Variants in TGM5 observed in about 807,000 individuals in gnomAD.
The protein encoded by TGM5 is protein-glutamine gamma-glutamyltransferase 5.
A neutral mutation model predicts 77.2 loss-of-function variants in TGM5; 69 were observed. The ratio of observed to expected loss-of-function variants is 0.89; its 90% CI spans 0.74 to 1.09. The LOEUF (loss-of-function observed/expected upper bound fraction) is 1.09. TGM5 is among the 50% of genes least tolerant of loss of function. The pLI, the probability that TGM5 is intolerant of heterozygous loss-of-function variation, is 0.00. For synonymous variants in TGM5, 346 were observed against 351.8 expected (o/e 0.98, Z 0.18); for missense variants, 842 against 896.5 (o/e 0.94, Z 0.78).
At chr15:43,260,702 A>T (rs2042779737) in intron 1 of TGM5, 123 bp from the exon 2 acceptor site, 1 of 1,028,936 alleles carries the variant, frequency 9.7e-7, no homozygotes, top group Non-Finnish European at 1.5e-6. Context: ...CCATATCAGT[A>T]AAATAGAGTC....
At chr15:43,241,021 G>A in intron 6 of TGM5, 31 bp from the exon 7 acceptor site, 1 of 1,614,030 alleles carries the variant, frequency 6.2e-7, no homozygotes, top group Non-Finnish European at 8.5e-7. Flanking sequence ...AATCACCTGT[G>A]AGCTGTAGAT....
At chr15:43,252,378 G>A (rs528681318) in intron 6 of TGM5, among the ~76,000 whole-genome samples, 8 of 152,232 alleles carry the variant, frequency 5.3e-5, no homozygotes, top group South Asian at 2.1e-4. Flanking sequence ...GTGCAGTGGC[G>A]TGATCTTGGC....
At chr15:43,239,082 T>C in intron 8 of TGM5, 26 bp from the exon 9 acceptor site, 1 of 1,612,784 alleles carries the variant, frequency 6.2e-7, no homozygotes, top group Non-Finnish European at 8.5e-7. Context: ...GGAGCCTCGG[T>C]GGGCTGTTTG....
intron 1 of TGM5, 72 bp downstream of exon 1, chr15:43,266,768 C>G: frequency 1.3e-6 from 2 of 1,580,940 alleles, no homozygotes; most frequent in Middle Eastern, 3.3e-4. Flanking sequence ...CACCCTCCAC[C>G]CCTTGACTTC....
At chr15:43,235,029 A>G (rs781656339) in intron 10 of TGM5, 100 bp from the exon 11 acceptor site, 12 of 1,445,290 alleles carry the variant, frequency 8.3e-6, no homozygotes, top group Non-Finnish European at 1.0e-5. Flanking sequence ...GAAAGTCAAC[A>G]AGTACCAAAT....
chr15:43,254,068 C>A (rs2042726688), intron 4 of TGM5, among the ~76,000 whole-genome samples: 2 of 152,252 alleles, frequency 1.3e-5, no homozygotes, highest in South Asian at 2.1e-4. Context: ...AGGGTGCCAA[C>A]CTGCCATGGC....
At chr15:43,258,671 A>T (rs908610292) in intron 3 of TGM5, among the ~76,000 whole-genome samples, 4 of 152,190 alleles carry the variant, frequency 2.6e-5, no homozygotes, top group Non-Finnish European at 5.9e-5. Flanking sequence ...CAGGGCCAGC[A>T]GTGGCCTGAG....
Position 43,261,066 on chromosome 15 carries a change from TTGTGTGTGTG to T in TGM5, c.11-497_11-488del, listed in dbSNP as rs869266811. Among the ~76,000 whole-genome samples, 358 of 70,808 alleles carry T rather than the reference TTGTGTGTGTG, an allele frequency of 5.1e-3. 59 individuals are homozygous for T. The highest frequency in any genetic ancestry group is 0.027 in the African/African-American group (342 of 12,824). The allele number at this position is 70,808 out of a possible 152,430, so 46.5% of individuals were successfully genotyped here. On this transcript the variant is annotated intron_variant, in intron 1 of 12. Coordinates refer to ENST00000220420, the MANE Select transcript of TGM5 (RefSeq NM_201631.4). The stretch of plus-strand genomic sequence containing the variant: ...CTTGGGCTAGCTGCTCTTCCTTTTT[TTGTGTGTGTG>T]TTTTTTTTTTTTTTTTTTTTTTTTT...
At chr15:43,249,099 T>A (rs894525951) in intron 6 of TGM5, among the ~76,000 whole-genome samples, 6 of 152,068 alleles carry the variant, frequency 3.9e-5, no homozygotes, top group African/African-American at 1.2e-4. Context: ...GACCTTATTT[T>A]ACAGAAGAGG....
intron 1 of TGM5, among the ~76,000 whole-genome samples, chr15:43,261,341 G>A (rs1258815254): frequency 2.0e-5 from 3 of 151,790 alleles, no homozygotes; most frequent in Non-Finnish European, 4.4e-5. Context: ...TGCCTGCCTC[G>A]GCCTCCCAAA....
intron 1 of TGM5, among the ~76,000 whole-genome samples, chr15:43,264,456 A>T (rs2042811655): frequency 6.6e-6 from 1 of 152,250 alleles, no homozygotes. Flanking sequence ...AGAATGCTGA[A>T]CATACTAAAT....
chr15:43,253,198 T>C (rs1187498495), intron 5 of TGM5, among the ~76,000 whole-genome samples: 1 of 152,198 alleles, frequency 6.6e-6, no homozygotes, highest in African/African-American at 2.4e-5. Context: ...AGCTGGAGCT[T>C]ACCTCTGAGA....
chr15:43,235,692 A>G lies in TGM5; in HGVS notation c.1491T>C (p.Pro497=). The change falls in exon 10 of 13, where the codon CCT becomes CCC. Residue 497 remains proline (P), a synonymous_variant. Coordinates refer to ENST00000220420, the MANE Select transcript of TGM5 (RefSeq NM_201631.4). Reference sequence around the variant, plus strand: ...GCACCACATCACTGGGTCGAAGGGAAGGTGTATGCAGGCTCCGAGGGCTGT... The same window carrying G: ...GCACCACATCACTGGGTCGAAGGGAGGGTGTATGCAGGCTCCGAGGGCTGT... ...SQDSPRSLHT[P]SLRPSDVVQV... 2 of 1,614,186 alleles carry G rather than the reference A, an allele frequency of 1.2e-6. No individual in the cohort carries two copies. Among genetic ancestry groups the G allele is most frequent in the Non-Finnish European group, 8.5e-7 (1 of 1,180,032 alleles).
chr15:43,235,589 T>A lies in TGM5; in HGVS notation c.1594A>T (p.Met532Leu). 3.1e-6 allele frequency: 5 copies of A among 1,614,010 alleles called. No homozygotes were observed. Among genetic ancestry groups the A allele is most frequent in the Non-Finnish European group, 4.2e-6 (5 of 1,180,006 alleles). The part of the protein sequence containing the change: ...DICFVLLALN[M>L]SSQFKDLKVN... ...TTGAGGTCCTTGAACTGGGAGGACATGTTGAGGGCCAGCAGGACAAAGCAT... is the reference window on the plus strand; with the variant it reads ...TTGAGGTCCTTGAACTGGGAGGACAAGTTGAGGGCCAGCAGGACAAAGCAT... The change falls in exon 10 of 13, where the codon ATG becomes TTG. Residue 532 changes from methionine to leucine, a missense_variant. Met to Leu is a conservative substitution (Grantham distance 15). This residue lies in a region of TGM5 where 815 missense variants were observed against 844.6 expected (regional missense o/e 0.96). Transcript: ENST00000220420.
In TGM5 at chr15:43,256,672, A is replaced by G. The variant is rs2042744527; in HGVS notation, c.451T>C (p.Leu151=). The G allele has an allele frequency of 6.2e-7, 1 of 1,613,244 alleles. No homozygotes were observed. ...TCCTGCCTCTGGGGTTCACTGTCCAAGTAGACAGCATCCTCTAGGAACCAG... is the reference window on the plus strand; with the variant it reads ...TCCTGCCTCTGGGGTTCACTGTCCAGGTAGACAGCATCCTCTAGGAACCAG... The part of the protein sequence containing the change: ...NPWCPEDAVY[L]DSEPQRQEYV... The change falls in exon 4 of 13, where the codon TTG becomes CTG. Residue 151 remains leucine, a synonymous_variant. Coordinates refer to ENST00000220420, the MANE Select transcript of TGM5 (RefSeq NM_201631.4).
chr15:43,259,733 C>T (rs1013607246), intron 3 of TGM5, among the ~76,000 whole-genome samples: 2 of 152,006 alleles, frequency 1.3e-5, no homozygotes, highest in African/African-American at 4.8e-5. Context: ...GCAGTGCATT[C>T]GTTCCTTTTA....
intron 9 of TGM5, among the ~76,000 whole-genome samples, 153 bp from the exon 10 acceptor site, chr15:43,235,990 A>G (rs113711244): frequency 6.6e-6 from 1 of 152,186 alleles, no homozygotes; most frequent in Admixed American, 6.5e-5. Context: ...GTGCTTTCCC[A>G]GGCAGGCTCT....
chr15:43,238,381 C>T (rs372683668), intron 9 of TGM5, among the ~76,000 whole-genome samples: 9 of 152,244 alleles, frequency 5.9e-5, no homozygotes, highest in Non-Finnish European at 1.3e-4. Context: ...CTGGCCGTGC[C>T]GTTCCCACAG....
intron 4 of TGM5, among the ~76,000 whole-genome samples, 161 bp downstream of exon 4, chr15:43,256,407 C>T (rs940018821): frequency 2.6e-5 from 4 of 152,184 alleles, no homozygotes; most frequent in African/African-American, 9.7e-5. Flanking sequence ...CCTCCCACTC[C>T]CTATGGCTGC....
Sources: allele counts gnomAD v4.1 joint callset (sites outside exome capture counted in the v4.1 genomes callset), GRCh38; gene constraint gnomAD v4.1.1; regional missense constraint gnomAD v4.1.1; transcripts MANE v1.5; gene names NCBI Gene and HGNC (gene_info 2026-07-23, HGNC 2026-07-21).